The following SART3 variants were observed in gnomAD, a reference collection of about 807,000 sequenced individuals.
SART3 encodes HIV-1 Tat-interacting protein of 110kDa.
In SART3, 44 loss-of-function variants were observed where a neutral mutation model predicts 122.3. The ratio of observed to expected loss-of-function variants is 0.36; its 90% CI spans 0.28 to 0.46. The LOEUF (loss-of-function observed/expected upper bound fraction) is 0.46, where lower values mean the gene tolerates loss of function less well. Ranked by LOEUF, SART3 falls within the 20% of genes least tolerant of loss-of-function variation. The probability of loss-of-function intolerance (pLI) is 1.00; values close to 1 mark genes in which losing one functional copy is unlikely to be tolerated. For synonymous variants in SART3, 442 were observed against 454.0 expected, an observed-to-expected ratio of 0.97 and a Z score of 0.34; for missense variants, 1,101 against 1,229.0, an observed-to-expected ratio of 0.90 and a Z score of 1.56.
intron 16 of SART3, 156 bp from the exon 17 acceptor site, chr12:108,525,765 A>G: frequency 2.6e-6 from 2 of 763,578 alleles, no homozygotes; most frequent in Non-Finnish European, 4.5e-6. Context: ...CACCGGAGCG[A>G]GTCACTTAAC....
At chr12:108,558,692 T>C (rs1216942036) in intron 1 of SART3, among the ~76,000 whole-genome samples, 1 of 152,244 alleles carries the variant, frequency 6.6e-6, no homozygotes, top group Non-Finnish European at 1.5e-5. Context: ...AGTGTCACGC[T>C]GTGTTTGCTG....
At chr12:108,536,918 G>T (rs2136674692) in intron 9 of SART3, 133 bp from the exon 10 acceptor site, 2 of 771,790 alleles carry the variant, frequency 2.6e-6, no homozygotes, top group Middle Eastern at 3.1e-4. Flanking sequence ...AAATAAAATT[G>T]CCAATTCCTG....
Position 108,538,990 on chromosome 12 carries a change from C to G in SART3, c.1006G>C (p.Ala336Pro). 1 of 1,614,156 alleles carries G rather than the reference C, an allele frequency of 6.2e-7. No individual in the cohort carries two copies. The highest frequency in any genetic ancestry group is 8.5e-7 in the Non-Finnish European group (1 of 1,180,034). Residue 336 changes from alanine to proline, a missense_variant, in exon 7 of 19, where the codon GCC (alanine) becomes CCC (proline). Ala to Pro is a conservative substitution (Grantham distance 27). Transcript: ENST00000546815. ...GGGACAAGGCAGTTCTCGACCAGGG[C>G]GCGCTCAAAGATCAACTGAATGCGA... ...PARIQLIFER[A>P]LVENCLVPDL...
chr12:108,536,437 TCA>T, intron 11 of SART3, 75 bp downstream of exon 11: 3 of 1,418,666 alleles, frequency 2.1e-6, no homozygotes, highest in Non-Finnish European at 3.0e-6. Context: ...GGATTCTGAC[TCA>T]ATTTTAATTA....
intron 5 of SART3, 151 bp downstream of exon 5, chr12:108,544,276 G>A: frequency 1.2e-6 from 1 of 808,914 alleles, no homozygotes; most frequent in Non-Finnish European, 2.2e-6. Context: ...TTTTACCAAG[G>A]ACCTCATCCA....
chr12:108,537,136 C>T (rs1045786684), intron 9 of SART3: 7 of 424,448 alleles, frequency 1.6e-5, no homozygotes, highest in South Asian at 6.7e-5. Context: ...TGGTTGTTTT[C>T]GGGGGGACAT....
Position 108,537,605 on chromosome 12 carries a change from G to A in SART3, c.1202-10C>T, listed in dbSNP as rs1872973904. The A allele has an allele frequency of 6.2e-7, 1 of 1,610,128 alleles. No individual in the cohort carries two copies. Among genetic ancestry groups the A allele is most frequent in the Admixed American group, 1.7e-5 (1 of 59,974 alleles). On this transcript the variant is annotated splice_polypyrimidine_tract_variant and intron_variant, in intron 8 of 18. Transcript: ENST00000546815. The stretch of plus-strand genomic sequence containing the variant: ...GCTTTCTCGAAGGTTACTGGAGTTG[G>A]AGAAAAGTCAGGATTTGTTACCAAT...
intron 3 of SART3, among the ~76,000 whole-genome samples, chr12:108,546,159 A>G (rs569830152): frequency 6.6e-6 from 1 of 152,270 alleles, no homozygotes; most frequent in South Asian, 2.1e-4. Flanking sequence ...GACTGCTCCC[A>G]TTGGGAAATC....
chr12:108,530,246 G>C lies in SART3; in HGVS notation c.1811C>G (p.Ala604Gly). 6.2e-7 allele frequency: 1 copy of C among 1,614,120 alleles called. No individual in the cohort carries two copies. The highest frequency in any genetic ancestry group is 8.5e-7 in the Non-Finnish European group (1 of 1,180,030). ...EEEKAEQRKRARAEKKALKKK... is the reference protein window; with the variant it reads ...EEEKAEQRKRGRAEKKALKKK... ...TTTTAACGCTTTCTTCTCAGCCCGAGCTCTTTTCCGTTGTTCAGCCTTTTC... is the reference window on the plus strand; with the variant it reads ...TTTTAACGCTTTCTTCTCAGCCCGACCTCTTTTCCGTTGTTCAGCCTTTTC... The change falls in exon 15 of 19, where the codon GCT (alanine) becomes GGT (glycine). Residue 604 changes from alanine to glycine, a missense_variant. Ala to Gly is a moderately conservative substitution (Grantham distance 60). Transcript: ENST00000546815.
At chr12:108,552,587 T>C (rs2030056868) in intron 1 of SART3, among the ~76,000 whole-genome samples, 1 of 145,664 alleles carries the variant, frequency 6.9e-6, no homozygotes, top group Non-Finnish European at 1.5e-5. Flanking sequence ...TTTAAAGACA[T>C]AGCACCATTT....
chr12:108,551,823 T>C (rs1215486559), intron 1 of SART3, among the ~76,000 whole-genome samples: 1 of 151,930 alleles, frequency 6.6e-6, no homozygotes, highest in Non-Finnish European at 1.5e-5. Context: ...CACGTGAAAA[T>C]TAAGTAATAC....
chr12:108,542,039 G>A (rs1000196961), intron 6 of SART3, among the ~76,000 whole-genome samples: 6 of 127,136 alleles, frequency 4.7e-5, no homozygotes, highest in African/African-American at 1.8e-4. Context: ...GTAGAGACAG[G>A]GTTGTGCTAC....
chr12:108,545,081 T>G, intron 4 of SART3, 58 bp downstream of exon 4: 1 of 1,506,796 alleles, frequency 6.6e-7, no homozygotes, highest in Non-Finnish European at 9.2e-7. Flanking sequence ...AAATAATCCT[T>G]CCAAGGAGAC....
At chr12:108,535,317 G>T in intron 12 of SART3, 42 bp downstream of exon 12, 2 of 1,503,700 alleles carry the variant, frequency 1.3e-6, no homozygotes, top group Non-Finnish European at 1.9e-6. Context: ...CAGGTGCACA[G>T]CTGACAAGCA....
intron 3 of SART3, among the ~76,000 whole-genome samples, chr12:108,545,623 C>A (rs1873369725): frequency 6.6e-6 from 1 of 152,140 alleles, no homozygotes; most frequent in Non-Finnish European, 1.5e-5. Context: ...TTATCAGTGG[C>A]TCTAAAAGAA....
intron 1 of SART3, among the ~76,000 whole-genome samples, chr12:108,552,582 A>T (rs537060469): frequency 6.6e-6 from 1 of 152,168 alleles, no homozygotes; most frequent in Non-Finnish European, 1.5e-5. Flanking sequence ...CCAAATTTAA[A>T]GACATAGCAC....
chr12:108,541,970 G>A (rs1239356641), intron 6 of SART3, among the ~76,000 whole-genome samples: 1 of 148,284 alleles, frequency 6.7e-6, no homozygotes, highest in Non-Finnish European at 1.5e-5. Flanking sequence ...GAGAAGCTGG[G>A]ACTACAGACA....
At chr12:108,525,991 A>G (rs1872355444) in intron 16 of SART3, 108 bp downstream of exon 16, 1 of 958,276 alleles carries the variant, frequency 1.0e-6, no homozygotes, top group East Asian at 2.4e-5. Context: ...TTAGATCCAA[A>G]CAGAGCGTAA....
chr12:108,551,349 A>C (rs2030001689), intron 1 of SART3, among the ~76,000 whole-genome samples: 1 of 152,190 alleles, frequency 6.6e-6, no homozygotes, highest in Non-Finnish European at 1.5e-5. Context: ...TGAAGCAAAA[A>C]CTATTACAGA....
Sources: gnomAD v4.1 joint callset for allele counts (sites outside exome capture counted in the v4.1 genomes callset) on GRCh38, gnomAD v4.1.1 for gene constraint, MANE v1.5 for transcripts, NCBI Gene and HGNC (gene_info 2026-07-23, HGNC 2026-07-21) for gene names.